Variants in AGL observed in about 807,000 individuals in gnomAD.
AGL encodes the protein glycogen debranching enzyme.
In AGL, 128 loss-of-function variants were observed where a neutral mutation model predicts 199.3. The ratio of observed to expected loss-of-function variants is 0.64; its 90% CI spans 0.56 to 0.74. The LOEUF (loss-of-function observed/expected upper bound fraction) is 0.74, where lower values mean the gene tolerates loss of function less well. Ranked by LOEUF, AGL falls within the 30% of genes least tolerant of loss-of-function variation. The probability of loss-of-function intolerance (pLI) is 0.00; values close to 1 mark genes in which losing one functional copy is unlikely to be tolerated. For missense variants in AGL, 1,809 were observed against 1,820.8 expected, an observed-to-expected ratio of 0.99 and a Z score of 0.12; for synonymous variants, 584 against 594.7, an observed-to-expected ratio of 0.98 and a Z score of 0.26.
At chr1:99,863,987 G>A (rs1422429162) in intron 4 of AGL, among the ~76,000 whole-genome samples, 2 of 152,048 alleles carry the variant, frequency 1.3e-5, no homozygotes, top group Admixed American at 6.6e-5. Flanking sequence ...CATGAAGAAA[G>A]GAATGAGAAG....
At chr1:99,870,258 A>G (rs1571242397) in intron 5 of AGL, 142 bp from the exon 6 acceptor site, 4 of 850,322 alleles carry the variant, frequency 4.7e-6, no homozygotes, top group African/African-American at 1.7e-5. Flanking sequence ...CTTTTCCTGT[A>G]ACAGTATCAT....
intron 2 of AGL, among the ~76,000 whole-genome samples, chr1:99,856,370 TCCTC>T (rs1649452824): frequency 1.0e-5 from 1 of 99,028 alleles, no homozygotes; most frequent in Non-Finnish European, 2.0e-5. Context: ...CTCCCTTCCT[TCCTC>T]CCTTCCTCCC....
chr1:99,902,343 A>G lies in AGL; in HGVS notation c.3589-340A>G, dbSNP rs560356953. ...GCAGATGAGTAAAAATAGCAATGCC[A>G]ATTTAAAATTCAGATGCTGGATAAC... On this transcript the variant is annotated intron_variant, in intron 26 of 33. Coordinates refer to ENST00000361915, the MANE Select transcript of AGL (RefSeq NM_000642.3). Among the ~76,000 whole-genome samples the G allele has an allele frequency of 2.0e-5, 3 of 152,328 alleles. No individual in the cohort carries two copies. In the East Asian group the frequency reaches 5.8e-4, roughly 29 times the overall value.
At position 99,874,791 on chromosome 1, in the gene AGL, A is replaced by G. The variant is rs776808610; in HGVS notation, c.1063A>G (p.Thr355Ala). Residue 355 changes from threonine to alanine, a missense_variant, in exon 8 of 34, where the codon ACG (threonine) becomes GCG (alanine). Coordinates refer to ENST00000361915, the MANE Select transcript of AGL (RefSeq NM_000642.3). ...TACTGTAGATATGAACATTGCACTA[A>G]CGACTTTCATACCACATGAGTATGT... is the stretch of plus-strand genomic sequence containing the variant. ...GCTVDMNIALTTFIPHDKGPA... is the reference protein window; with the variant it reads ...GCTVDMNIALATFIPHDKGPA... 1.2e-6 allele frequency: 2 copies of G among 1,613,808 alleles called. No individual in the cohort carries two copies. The highest frequency in any genetic ancestry group is 1.1e-5 in the South Asian group (1 of 91,062).
chr1:99,862,437 G>C lies in AGL; in HGVS notation c.460+14G>C, dbSNP rs200617849. ...CAAAAGAATCAGGTAATGTCAGCTTGCTTTCTTTTTCTTATTTAAAAAAAT... is the reference window on the plus strand; with the variant it reads ...CAAAAGAATCAGGTAATGTCAGCTTCCTTTCTTTTTCTTATTTAAAAAAAT... On this transcript the variant is annotated intron_variant, in intron 4 of 33. Coordinates refer to ENST00000361915, the MANE Select transcript of AGL (RefSeq NM_000642.3). 2 of 1,613,494 alleles carry C rather than the reference G, an allele frequency of 1.2e-6. No homozygotes were observed. Among genetic ancestry groups the C allele is most frequent in the Non-Finnish European group, 1.7e-6 (2 of 1,179,656 alleles).
intron 33 of AGL, among the ~76,000 whole-genome samples, chr1:99,917,968 T>C (rs187084038): frequency 2.6e-5 from 4 of 152,298 alleles, no homozygotes; most frequent in Non-Finnish European, 4.4e-5. Flanking sequence ...ATTACTCTTA[T>C]AGTTGCCATT....
chr1:99,921,899 C>A lies in AGL; in HGVS notation c.*248C>A. 1.4e-5 allele frequency: 4 copies of A among 288,466 alleles called. No homozygotes were observed. The highest frequency in any genetic ancestry group is 1.3e-4 in the South Asian group (1 of 7,952). The allele number at this position is 288,466 out of a possible 1,614,324, so 17.9% of individuals were successfully genotyped here. On this transcript the variant is annotated 3_prime_UTR_variant, in exon 34 of 34. Transcript: ENST00000361915. ...GAGTTCAGTAAGAATTATTCAAATGCCTAGAAATCCATAGTTTGGAAAAGA... is the reference window on the plus strand; with the variant it reads ...GAGTTCAGTAAGAATTATTCAAATGACTAGAAATCCATAGTTTGGAAAAGA...
rs758613945 is a variant in AGL, at chr1:99,900,892, T to G, written c.3588+31T>G. The stretch of plus-strand genomic sequence containing the variant: ...GATATTTCTTAAAATGTTTTTTTGT[T>G]TTTTTTTTTTTTTCTGAAAAATGAC... On this transcript the variant is annotated intron_variant, in intron 26 of 33. Coordinates refer to ENST00000361915, the MANE Select transcript of AGL (RefSeq NM_000642.3). The G allele has an allele frequency of 9.9e-5, 28 of 284,210 alleles. No homozygotes were observed. The East Asian group carries it at 2.3e-3, about 24-fold the overall frequency. The allele number at this position is 284,210 out of a possible 1,614,324, so 17.6% of individuals were successfully genotyped here.
Position 99,866,659 on chromosome 1 carries a change from A to G in AGL, c.664+2070A>G, listed in dbSNP as rs151005914. On this transcript the variant is annotated intron_variant, in intron 5 of 33. Transcript: ENST00000361915. Reference sequence around the variant, plus strand: ...AAGAAAGAAAGGGAGGATAAAACTGAGTACAGCAGCAGTCTCTACCACAGA... The same window carrying G: ...AAGAAAGAAAGGGAGGATAAAACTGGGTACAGCAGCAGTCTCTACCACAGA... Among the ~76,000 whole-genome samples the G allele has an allele frequency of 1.5e-3, 234 of 152,304 alleles. 2 individuals carry two copies. The highest frequency in any genetic ancestry group is 9.5e-3 in the Admixed American group (145 of 15,294).
chr1:99,857,300 C>T lies in AGL; in HGVS notation c.83-4203C>T, dbSNP rs552636487. 1.5e-4 allele frequency among the ~76,000 whole-genome samples: 23 copies of T among 150,878 alleles called. No homozygotes were observed. In the East Asian group the frequency reaches 3.4e-3, roughly 22 times the overall value. ...CTCACTTCCTAGATGGGATGGCGGC[C>T]GGGAAGAGGTGCTCCTCACTTCCCA... is the stretch of plus-strand genomic sequence containing the variant. On this transcript the variant is annotated intron_variant, in intron 2 of 33. Coordinates refer to ENST00000361915, the MANE Select transcript of AGL (RefSeq NM_000642.3).
chr1:99,891,718 C>T lies in AGL; in HGVS notation c.3062C>T (p.Thr1021Ile). 1.2e-6 allele frequency: 2 copies of T among 1,613,486 alleles called. No individual in the cohort carries two copies. Among genetic ancestry groups the T allele is most frequent in the Non-Finnish European group, 8.5e-7 (1 of 1,179,594 alleles). Residue 1021 changes from threonine to isoleucine, a missense_variant, in exon 23 of 34, where the codon ACA becomes ATA. By Grantham distance (89) the Thr-to-Ile change is moderately conservative. Transcript: ENST00000361915. ...GGTGCATATACCACTCTTCTGGATA[C>T]AGCATGGAAGCAGATGTCAAGGTAT... ...LIGAYTTLLD[T>I]AWKQMSSFVQ...
At position 99,881,416 on chromosome 1, in the gene AGL, A is replaced by T; in HGVS notation, c.2126A>T (p.His709Leu). 1.2e-6 allele frequency: 2 copies of T among 1,614,122 alleles called. No homozygotes were observed. The highest frequency in any genetic ancestry group is 1.7e-6 in the Non-Finnish European group (2 of 1,179,992). ...GCCAGGTGTGCTATCAGTAAACTTC[A>T]TCAGGAGCTTGGAGCCAAGGGTTTT... ...IAARCAISKLHQELGAKGFIQ... is the reference protein window; with the variant it reads ...IAARCAISKLLQELGAKGFIQ... The change falls in exon 16 of 34, where the codon CAT (histidine) becomes CTT (leucine). Residue 709 changes from histidine (H) to leucine (L), a missense_variant. Physicochemically the swap from His to Leu is moderately conservative, Grantham distance 99 (BLOSUM62 -3). Transcript: ENST00000361915.
At chr1:99,875,549 G>A in intron 10 of AGL, 94 bp downstream of exon 10, 1 of 1,033,626 alleles carries the variant, frequency 9.7e-7, no homozygotes, top group Non-Finnish European at 1.5e-6. Context: ...TTTAACATGT[G>A]AGTTCAGTAC....
chr1:99,861,488 G>A lies in AGL; in HGVS notation c.83-15G>A. The A allele has an allele frequency of 1.2e-6, 2 of 1,613,642 alleles. No individual in the cohort carries two copies. The highest frequency in any genetic ancestry group is 2.2e-5 in the East Asian group (1 of 44,830). On this transcript the variant is annotated splice_polypyrimidine_tract_variant and intron_variant, in intron 2 of 33. Transcript: ENST00000361915. ...AGTCCTACGATGAGTTTATTAACAT[G>A]TGCTTTTTATTTAGGGTATGAGCTA... is the stretch of plus-strand genomic sequence containing the variant.
chr1:99,922,987 A>G lies in AGL; in HGVS notation c.*1336A>G, dbSNP rs1165674550. 2 of 152,154 alleles carry G rather than the reference A, an allele frequency of 1.3e-5. No homozygotes were observed. Among genetic ancestry groups the G allele is most frequent in the African/African-American group, 4.8e-5 (2 of 41,462 alleles). 9.4% of individuals were successfully genotyped at this position (152,154 alleles called of 1,614,324 possible). ...AAACTAAAACTTCTGGGCAGCAAAAATATATAAATGCTTCAGATGTCAAAT... is the reference window on the plus strand; with the variant it reads ...AAACTAAAACTTCTGGGCAGCAAAAGTATATAAATGCTTCAGATGTCAAAT... On this transcript the variant is annotated 3_prime_UTR_variant, in exon 34 of 34. Transcript: ENST00000361915.
chr1:99,912,897 A>G (rs1654849513), intron 29 of AGL, among the ~76,000 whole-genome samples: 1 of 152,236 alleles, frequency 6.6e-6, no homozygotes, highest in South Asian at 2.1e-4. Flanking sequence ...TTTAAAAAGT[A>G]AAAAGAAGCA....
At chr1:99,861,137 A>T in intron 2 of AGL, 2 of 1,079,926 alleles carry the variant, frequency 1.9e-6, no homozygotes, top group East Asian at 1.4e-4. Flanking sequence ...ATACTAGAGA[A>T]GGTCTCTCCT....
intron 13 of AGL, among the ~76,000 whole-genome samples, chr1:99,880,281 C>G (rs1232498874): frequency 6.6e-6 from 1 of 152,168 alleles, no homozygotes; most frequent in Non-Finnish European, 1.5e-5. Flanking sequence ...GAACTGAAGA[C>G]TCACTAACAA....
intron 33 of AGL, 81 bp downstream of exon 33, chr1:99,916,812 A>G: frequency 6.7e-7 from 1 of 1,495,722 alleles, no homozygotes; most frequent in Non-Finnish European, 9.3e-7. Flanking sequence ...AGTTTCTTAG[A>G]ATTGATTTCT....
Sources: allele counts gnomAD v4.1 joint callset (sites outside exome capture counted in the v4.1 genomes callset), GRCh38; gene constraint gnomAD v4.1.1; transcripts MANE v1.5; gene names NCBI Gene and HGNC (gene_info 2026-07-23, HGNC 2026-07-21).